TIMELESS: variants seen among roughly 807,000 people sequenced by gnomAD.
TIMELESS encodes protein timeless homolog.
A neutral mutation model predicts 164.3 loss-of-function variants in TIMELESS; 124 were observed. The ratio of observed to expected loss-of-function variants is 0.75; its 90% confidence interval spans 0.65 to 0.88. The LOEUF is 0.88. TIMELESS is among the 40% of genes least tolerant of loss of function. TIMELESS has a pLI of 0.00. For synonymous variants in TIMELESS, 564 were observed against 563.4 expected (o/e 1.00, Z -0.02); for missense variants, 1,422 against 1,491.4 (o/e 0.95, Z 0.77).
At chr12:56,447,384 G>A (rs913810862) in intron 1 of TIMELESS, among the ~76,000 whole-genome samples, 12 of 151,966 alleles carry the variant, frequency 7.9e-5, no homozygotes, top group Admixed American at 2.6e-4. Flanking sequence ...TCATCATTAC[G>A]CAGCACAATG....
chr12:56,437,620 A>C (rs77116915), intron 1 of TIMELESS, among the ~76,000 whole-genome samples: 6,701 of 152,216 alleles, frequency 0.044, 506 homozygotes, highest in African/African-American at 0.15. Flanking sequence ...GGGGTAGGTG[A>C]GCAAGAAGCA....
chr12:56,430,674 T>A (rs1881846629), intron 9 of TIMELESS, among the ~76,000 whole-genome samples: 3 of 152,074 alleles, frequency 2.0e-5, no homozygotes. Context: ...ACCTTTAATT[T>A]AATTTTTTTT....
chr12:56,423,013 T>C (rs777057511), intron 18 of TIMELESS, 21 bp from the exon 19 acceptor site: 4 of 1,610,092 alleles, frequency 2.5e-6, no homozygotes, highest in East Asian at 2.2e-5. Context: ...AGGAGGTTAC[T>C]ATGAGGCCTC....
chr12:56,434,092 T>A lies in TIMELESS; in HGVS notation c.79A>T (p.Lys27Ter). 6.2e-7 allele frequency: 1 copy of A among 1,614,134 alleles called. No homozygotes were observed. Among genetic ancestry groups the A allele is most frequent in the Non-Finnish European group, 8.5e-7 (1 of 1,180,010 alleles). ...LGYLEGDTYH[K>*]EPDCLESVKD... is the part of the protein sequence containing the mutation. ...TACTCACCTAAGCAATCTGGTTCCTTATGGTAAGTGTCTCCCTCCAAGTAC... is the reference window on the plus strand; with the variant it reads ...TACTCACCTAAGCAATCTGGTTCCTAATGGTAAGTGTCTCCCTCCAAGTAC... Residue 27 changes from lysine to a stop codon, truncating the protein, a stop_gained, in exon 2 of 29, where the codon AAG (lysine) becomes TAG (stop). Transcript: ENST00000553532. LOFTEE classifies it high-confidence loss of function.
At position 56,424,752 on chromosome 12, in the gene TIMELESS, G is replaced by A. The variant is rs1342401069; in HGVS notation, c.1868+10C>T. On this transcript the variant is annotated intron_variant, in intron 15 of 28. Transcript: ENST00000553532. The stretch of plus-strand genomic sequence containing the variant: ...CAAAGCCCAAGAGGATGAGCAGGCA[G>A]GGTTCTTACCGAGCAGACCTCAGGA... The A allele has an allele frequency of 6.2e-7, 1 of 1,612,564 alleles. No homozygotes were observed. Among genetic ancestry groups the A allele is most frequent in the Non-Finnish European group, 8.5e-7 (1 of 1,179,196 alleles).
intron 15 of TIMELESS, among the ~76,000 whole-genome samples, chr12:56,424,139 T>C (rs1054102539): frequency 6.6e-6 from 1 of 152,180 alleles, no homozygotes; most frequent in African/African-American, 2.4e-5. Flanking sequence ...CAAATGTACA[T>C]ATTCACACAA....
intron 5 of TIMELESS, 68 bp from the exon 6 acceptor site, chr12:56,433,195 G>A (rs1881953771): frequency 4.7e-6 from 7 of 1,500,808 alleles, no homozygotes; most frequent in Middle Eastern, 1.7e-4. Flanking sequence ...CTGGCTGGAA[G>A]ACCCAGGCAT....
intron 23 of TIMELESS, 89 bp from the exon 24 acceptor site, chr12:56,421,223 C>G (rs1043530789): frequency 6.3e-7 from 1 of 1,590,400 alleles, no homozygotes; most frequent in East Asian, 2.2e-5. Context: ...CCGCACCCCC[C>G]CGCGCCTGCT....
At position 56,441,522 on chromosome 12, in the gene TIMELESS, G is replaced by A. The variant is rs570357177; in HGVS notation, c.-61-7291C>T. ...TACACCTTTAGTCCCAGCTACCCAG[G>A]AGGCTAAGGCAGGAGGATCACTTGA... On this transcript the variant is annotated intron_variant, in intron 1 of 28. Coordinates refer to ENST00000553532, the MANE Select transcript of TIMELESS (RefSeq NM_003920.5). 9.8e-5 allele frequency among the ~76,000 whole-genome samples: 15 copies of A among 152,304 alleles called. No homozygotes were observed. The South Asian group carries it at 2.9e-3, about 29-fold the overall frequency.
intron 11 of TIMELESS, 66 bp downstream of exon 11, chr12:56,428,817 G>A (rs1881764101): frequency 6.4e-7 from 1 of 1,563,628 alleles, no homozygotes; most frequent in South Asian, 1.1e-5. Context: ...CAGGAAAAAA[G>A]CACCAGCCAG....
At chr12:56,447,102 C>A (rs1404147041) in intron 1 of TIMELESS, among the ~76,000 whole-genome samples, 1 of 151,022 alleles carries the variant, frequency 6.6e-6, no homozygotes, top group Non-Finnish European at 1.5e-5. Context: ...CTCCGCCTCC[C>A]GGGTTCAAGT....
chr12:56,446,556 C>A (rs796947835), intron 1 of TIMELESS, among the ~76,000 whole-genome samples: 1 of 152,036 alleles, frequency 6.6e-6, no homozygotes, highest in South Asian at 2.1e-4. Context: ...GCAGGCCAGG[C>A]GCAGTGGCTC....
chr12:56,438,735 G>A (rs1052195919), intron 1 of TIMELESS, among the ~76,000 whole-genome samples: 4 of 119,244 alleles, frequency 3.4e-5, no homozygotes, highest in South Asian at 2.8e-4. Flanking sequence ...CTGATATTGC[G>A]CCACCGCACT....
intron 26 of TIMELESS, 99 bp downstream of exon 26, chr12:56,420,470 A>AAGG (rs2136131642): frequency 1.8e-6 from 1 of 552,496 alleles, no homozygotes; most frequent in African/African-American, 3.9e-5. Flanking sequence ...AGATGACGAT[A>AAGG]AGGATAAGGA....
At chr12:56,444,968 A>C (rs1048059879) in intron 1 of TIMELESS, among the ~76,000 whole-genome samples, 1 of 151,284 alleles carries the variant, frequency 6.6e-6, no homozygotes, top group Non-Finnish European at 1.5e-5. Context: ...CTCGTATGTT[A>C]AACTGACTAA....
At chr12:56,422,358 C>G (rs1410177357) in intron 19 of TIMELESS, 167 bp from the exon 20 acceptor site, 1 of 602,230 alleles carries the variant, frequency 1.7e-6, no homozygotes, top group African/African-American at 1.9e-5. Flanking sequence ...CACTTTCCTT[C>G]CACGTAAGAA....
chr12:56,420,695 A>C lies in TIMELESS; in HGVS notation c.3110-8T>G, dbSNP rs1881442706. ...GAACGGCCTGGGAGCAGCCTAAGAC[A>C]GGGTCAATAGTCATATGGTGAAGAT... On this transcript the variant is annotated splice_region_variant and splice_polypyrimidine_tract_variant and intron_variant, in intron 25 of 28. Coordinates refer to ENST00000553532, the MANE Select transcript of TIMELESS (RefSeq NM_003920.5). 6.2e-7 allele frequency: 1 copy of C among 1,613,984 alleles called. No homozygotes were observed. The highest frequency in any genetic ancestry group is 8.5e-7 in the Non-Finnish European group (1 of 1,179,972).
intron 15 of TIMELESS, 114 bp from the exon 16 acceptor site, chr12:56,424,008 G>T: frequency 2.2e-6 from 2 of 928,076 alleles, no homozygotes; most frequent in Non-Finnish European, 3.3e-6. Context: ...GAAACAGAAT[G>T]CAAACTGTTA....
At chr12:56,433,489 T>C in intron 4 of TIMELESS, 46 bp from the exon 5 acceptor site, 1 of 1,613,796 alleles carries the variant, frequency 6.2e-7, no homozygotes, top group Non-Finnish European at 8.5e-7. Context: ...ATCCACTTCT[T>C]CACCACTGCC....
Sources: allele counts gnomAD v4.1 joint callset (sites outside exome capture counted in the v4.1 genomes callset), GRCh38; gene constraint gnomAD v4.1.1; transcripts MANE v1.5; gene names NCBI Gene and HGNC (gene_info 2026-07-23, HGNC 2026-07-21).